The following TAFA2 variants were observed in gnomAD, a reference collection of about 807,000 sequenced individuals.
TAFA2 encodes chemokine-like protein TAFA-2.
Under a neutral mutation model 18.8 loss-of-function variants are expected in TAFA2, and 7 were observed. The observed-to-expected ratio is 0.37, with a 90% confidence interval of 0.21 to 0.70. The LOEUF (loss-of-function observed/expected upper bound fraction) is 0.70. Among genes scored for constraint, TAFA2 ranks in the 30% least tolerant of loss-of-function variants. The probability of loss-of-function intolerance (pLI) is 0.53; values close to 1 mark genes in which losing one functional copy is unlikely to be tolerated. For synonymous variants in TAFA2, 60 were observed against 54.2 expected (o/e 1.11, Z -0.47); for missense variants, 122 against 158.1 (o/e 0.77, Z 1.23).
At chr12:61,875,945 A>G (rs1417354448) in intron 1 of TAFA2, among the ~76,000 whole-genome samples, 1 of 152,150 alleles carries the variant, frequency 6.6e-6, no homozygotes, top group East Asian at 1.9e-4. Context: ...ATATAGAATA[A>G]GAAAGGAAAA....
intron 1 of TAFA2, among the ~76,000 whole-genome samples, chr12:62,168,234 A>C (rs2136937696): frequency 6.6e-6 from 1 of 152,304 alleles, no homozygotes; most frequent in African/African-American, 2.4e-5. Flanking sequence ...CGACTTTGTA[A>C]CCCATCACTA....
intron 2 of TAFA2, among the ~76,000 whole-genome samples, chr12:61,808,345 A>T (rs1275927969): frequency 6.6e-6 from 1 of 151,084 alleles, no homozygotes; most frequent in East Asian, 1.9e-4. Flanking sequence ...TGGTCAATAA[A>T]CCTCTTTTCT....
intron 1 of TAFA2, among the ~76,000 whole-genome samples, chr12:61,932,676 G>A (rs145407122): frequency 7.2e-4 from 110 of 152,174 alleles, no homozygotes; most frequent in African/African-American, 2.3e-3. Flanking sequence ...TCTTGACCTC[G>A]TGATCTGTCC....
intron 4 of TAFA2, among the ~76,000 whole-genome samples, chr12:61,726,210 TTGG>T (rs1214687345): frequency 6.6e-6 from 1 of 151,936 alleles, no homozygotes; most frequent in Non-Finnish European, 1.5e-5. Context: ...TTATCTCTAA[TTGG>T]TGGGCTCTTT....
At chr12:62,218,088 T>A (rs539870018) in intron 1 of TAFA2, among the ~76,000 whole-genome samples, 1 of 152,058 alleles carries the variant, frequency 6.6e-6, no homozygotes, top group African/African-American at 2.4e-5. Flanking sequence ...CTCAGCCTCC[T>A]GGGCTCAATA....
chr12:61,867,522 C>A, intron 1 of TAFA2, 96 bp from the exon 2 acceptor site: 1 of 683,174 alleles, frequency 1.5e-6, no homozygotes, highest in South Asian at 1.8e-5. Context: ...TATACTTTAA[C>A]CCCTTCAACT....
chr12:61,933,699 G>A (rs902769628), intron 1 of TAFA2, among the ~76,000 whole-genome samples: 12 of 152,098 alleles, frequency 7.9e-5, no homozygotes, highest in Non-Finnish European at 8.8e-5. Context: ...CTCCAGCCTG[G>A]GTGACAGAGA....
chr12:61,983,822 C>T (rs530496021), intron 1 of TAFA2, among the ~76,000 whole-genome samples: 1 of 152,312 alleles, frequency 6.6e-6, no homozygotes, highest in East Asian at 1.9e-4. Context: ...CTAATACTAA[C>T]ACCACTATGA....
intron 1 of TAFA2, among the ~76,000 whole-genome samples, chr12:62,134,269 G>C (rs1257556941): frequency 1.3e-5 from 2 of 151,950 alleles, no homozygotes. Flanking sequence ...TGGTATTAGA[G>C]GTGGGGCTTT....
chr12:61,795,499 A>G (rs934183697), intron 2 of TAFA2, among the ~76,000 whole-genome samples: 56 of 152,122 alleles, frequency 3.7e-4, no homozygotes, highest in Non-Finnish European at 6.6e-4. Flanking sequence ...CAAACACCAC[A>G]TGTTCTCACT....
intron 2 of TAFA2, among the ~76,000 whole-genome samples, chr12:61,808,053 A>T (rs904483197): frequency 6.6e-6 from 1 of 151,568 alleles, no homozygotes; most frequent in South Asian, 2.1e-4. Context: ...ATGAAAAAGG[A>T]TGTGAGACTT....
chr12:61,929,159 T>TAAAAAAAA (rs57143585), intron 1 of TAFA2, among the ~76,000 whole-genome samples: 1 of 134,746 alleles, frequency 7.4e-6, no homozygotes. Flanking sequence ...AAGTATAATT[T>TAAAAAAAA]AAAAAAAAAA....
At chr12:61,896,572 T>G (rs986328978) in intron 1 of TAFA2, among the ~76,000 whole-genome samples, 6 of 152,164 alleles carry the variant, frequency 3.9e-5, no homozygotes, top group African/African-American at 1.4e-4. Flanking sequence ...GCTTAGAGAG[T>G]TTTAGGTTAT....
At chr12:62,224,082 TAC>T (rs144010764) in intron 1 of TAFA2, among the ~76,000 whole-genome samples, 6,409 of 142,190 alleles carry the variant, frequency 0.045, 161 homozygotes, top group East Asian at 0.083. Context: ...TATATGTGCA[TAC>T]ACACACACAC....
At chr12:61,877,818 A>C (rs1355064140) in intron 1 of TAFA2, among the ~76,000 whole-genome samples, 2 of 152,038 alleles carry the variant, frequency 1.3e-5, no homozygotes, top group Admixed American at 6.6e-5. Flanking sequence ...TACTCTGTAA[A>C]CTGTATAGTA....
intron 1 of TAFA2, among the ~76,000 whole-genome samples, chr12:61,868,594 A>T (rs117073467): frequency 0.017 from 2,529 of 152,160 alleles, 27 homozygotes; most frequent in Middle Eastern, 0.065. Flanking sequence ...TACCTCCAAA[A>T]CATTCTATCT....
At chr12:61,872,607 C>G in intron 1 of TAFA2, among the ~76,000 whole-genome samples, 1 of 152,152 alleles carries the variant, frequency 6.6e-6, no homozygotes, top group East Asian at 1.9e-4. Flanking sequence ...GAGAAAAAAA[C>G]CAACATCATC....
At chr12:62,160,516 G>A (rs1453311536) in intron 1 of TAFA2, among the ~76,000 whole-genome samples, 6 of 152,186 alleles carry the variant, frequency 3.9e-5, no homozygotes, top group Admixed American at 3.9e-4. Context: ...TTAGCACGGT[G>A]CCTACGTCAC....
intron 1 of TAFA2, among the ~76,000 whole-genome samples, chr12:61,943,786 G>C (rs1265693402): frequency 2.3e-5 from 3 of 133,300 alleles, no homozygotes; most frequent in Non-Finnish European, 3.2e-5. Context: ...CAATACAGGA[G>C]CACCCAGATT....
Sources: gnomAD v4.1 joint callset for allele counts (sites outside exome capture counted in the v4.1 genomes callset) on GRCh38, gnomAD v4.1.1 for gene constraint, MANE v1.5 for transcripts, NCBI Gene and HGNC (gene_info 2026-07-23, HGNC 2026-07-21) for gene names.